Variants in MAST1 observed in about 807,000 individuals in gnomAD.
The protein encoded by MAST1 is microtubule associated serine/threonine kinase 1, also known as microtubule-associated serine/threonine-protein kinase 1.
MAST1 carries 40 observed loss-of-function variants against 124.6 expected under a neutral mutation model. The ratio of observed to expected loss-of-function variants is 0.32; its 90% CI spans 0.25 to 0.42. The LOEUF is 0.42. MAST1 is among the 10% of genes least tolerant of loss of function. The probability of loss-of-function intolerance (pLI) is 1.00; values close to 1 mark genes in which losing one functional copy is unlikely to be tolerated. For missense variants in MAST1, 1,558 were observed against 2,181.9 expected, an observed-to-expected ratio of 0.71 and a Z score of 5.70; for synonymous variants, 938 against 939.4, an observed-to-expected ratio of 1.00 and a Z score of 0.03.
chr19:12,866,244 C>A lies in MAST1; in HGVS notation c.2029+142C>A. 1 of 85,720 alleles carries A rather than the reference C, an allele frequency of 1.2e-5. No individual in the cohort carries two copies. The highest frequency in any genetic ancestry group is 2.1e-4 in the Admixed American group (1 of 4,708). 5.3% of individuals were successfully genotyped at this position (85,720 alleles called of 1,614,324 possible). A position where few individuals can be genotyped will look rare whatever the true frequency, so the allele number is the denominator to read the frequency against. On this transcript the variant is annotated intron_variant, in intron 17 of 25. Coordinates refer to ENST00000251472, the MANE Select transcript of MAST1 (RefSeq NM_014975.3). This position sits in a 1 kb window ranked among gnomAD's most constrained non-coding sequence, Gnocchi z 5.2. ...TGCGAAGGTGGTATTTTGGTGGGGG[C>A]GGGGCCAAGTGGGGCGGGGCTGACA...
chr19:12,843,219 G>A lies in MAST1; in HGVS notation c.249-310G>A, dbSNP rs950580628. 6.6e-6 allele frequency among the ~76,000 whole-genome samples: 1 copy of A among 151,482 alleles called. No individual in the cohort carries two copies. The highest frequency in any genetic ancestry group is 2.1e-4 in the South Asian group (1 of 4,780). On this transcript the variant is annotated intron_variant, in intron 3 of 25. Transcript: ENST00000251472. The surrounding 1 kb of genome is among the most constrained non-coding windows in gnomAD (Gnocchi z 4.9). ...TCTCATGGAGAGTGTTCACTTGGGG[G>A]AAATTTCTAGAATCTCTCTGGAAAG...
chr19:12,844,069 A>G (rs1285126768), intron 4 of MAST1, among the ~76,000 whole-genome samples: 1 of 152,206 alleles, frequency 6.6e-6, no homozygotes, highest in Non-Finnish European at 1.5e-5. Context: ...TTGTCCATCT[A>G]TTAAAGAGTT....
rs1462519406 is a variant in MAST1 at position 12,869,160 on chromosome 19, C to A, written c.2868C>A (p.Asp956Glu). The change falls in exon 22 of 26, where the codon GAC (aspartate) becomes GAA (glutamate). Residue 956 changes from aspartate (D) to glutamate (E), a missense_variant. By Grantham distance (45) the Asp-to-Glu change is conservative. Around this residue, in one of 10 missense-constraint regions of MAST1, gnomAD observed 291 missense variants for 475.8 expected, o/e 0.61. Transcript: ENST00000251472. ...PSSRDSSPSR[D>E]YSPAVSGLRS... Reference sequence around the variant, plus strand: ...CACGGGACTCCTCACCCAGCCGGGACTACTCACCAGCTGTCAGTGGGCTCC... The same window carrying A: ...CACGGGACTCCTCACCCAGCCGGGAATACTCACCAGCTGTCAGTGGGCTCC... The A allele has an allele frequency of 6.2e-7, 1 of 1,614,122 alleles. No homozygotes were observed. Among genetic ancestry groups the A allele is most frequent in the Admixed American group, 1.7e-5 (1 of 60,006 alleles).
chr19:12,874,472 G>C lies in MAST1; in HGVS notation c.4315G>C (p.Glu1439Gln). 1 of 1,581,814 alleles carries C rather than the reference G, an allele frequency of 6.3e-7. No individual in the cohort carries two copies. The highest frequency in any genetic ancestry group is 8.6e-7 in the Non-Finnish European group (1 of 1,168,576). The change falls in exon 26 of 26, where the codon GAG becomes CAG. Residue 1439 changes from glutamate to glutamine, a missense_variant. Physicochemically the swap from Glu to Gln is conservative, Grantham distance 29. Coordinates refer to ENST00000251472, the MANE Select transcript of MAST1 (RefSeq NM_014975.3). The surrounding 1 kb of genome is among the most constrained non-coding windows in gnomAD (Gnocchi z 6.6). ...CACACCCCTGGTACCCATTGTCGTA[G>C]AGCCTGCGCGGCCCGGGGCTAAGGC... ...AGTPLVPIVV[E>Q]PARPGAKAVV...
chr19:12,866,690 C>T lies in MAST1; in HGVS notation c.2067C>T (p.Asp689=). The T allele has an allele frequency of 1.2e-6, 2 of 1,613,964 alleles. No individual in the cohort carries two copies. Among genetic ancestry groups the T allele is most frequent in the Non-Finnish European group, 1.7e-6 (2 of 1,179,978 alleles). The change falls in exon 18 of 26, where the codon GAC becomes GAT. Residue 689 remains aspartate, a synonymous_variant. Transcript: ENST00000251472. This position sits in a 1 kb window ranked among gnomAD's most constrained non-coding sequence, Gnocchi z 5.2. ...GGTATCACCACGTGAACTCCTATGA[C>T]GAGGATGACACGACGGAGGAGGAGC... The part of the protein sequence containing the change: ...SDRYHHVNSY[D]EDDTTEEEPV...
At chr19:12,857,411 G>T (rs1306619562) in intron 10 of MAST1, among the ~76,000 whole-genome samples, 2 of 149,948 alleles carry the variant, frequency 1.3e-5, no homozygotes, top group East Asian at 2.0e-4. Context: ...ACCTGGCCAA[G>T]AATCTTTTTT....
chr19:12,867,790 C>T lies in MAST1; in HGVS notation c.2379C>T (p.Gly793=). 1 of 1,561,988 alleles carries T rather than the reference C, an allele frequency of 6.4e-7. No individual in the cohort carries two copies. ...FLEGEASPPL[G]ARRRFSALLE... Reference sequence around the variant, plus strand: ...AGGGAGAGGCCAGTCCCCCTTTGGGCGCCCGCCGCCGTTTCTCGGCGCTGC... The same window carrying T: ...AGGGAGAGGCCAGTCCCCCTTTGGGTGCCCGCCGCCGTTTCTCGGCGCTGC... Residue 793 remains glycine, a synonymous_variant, in exon 20 of 26, where the codon GGC becomes GGT. Coordinates refer to ENST00000251472, the MANE Select transcript of MAST1 (RefSeq NM_014975.3).
At chr19:12,873,544 C>T in intron 25 of MAST1, 33 bp downstream of exon 25, 1 of 1,587,882 alleles carries the variant, frequency 6.3e-7, no homozygotes, top group Non-Finnish European at 8.6e-7. Flanking sequence ...GGGGACCGAG[C>T]AGCGCGGGGT....
chr19:12,852,319 C>T lies in MAST1; in HGVS notation c.1010-9C>T. On this transcript the variant is annotated splice_polypyrimidine_tract_variant and intron_variant, in intron 9 of 25. Coordinates refer to ENST00000251472, the MANE Select transcript of MAST1 (RefSeq NM_014975.3). Reference sequence around the variant, plus strand: ...ACCCAGCTCGTGCTCACTCTCAGTCCCTCCCTAGATGTGGTGCATCTGGAG... The same window carrying T: ...ACCCAGCTCGTGCTCACTCTCAGTCTCTCCCTAGATGTGGTGCATCTGGAG... 2 of 1,614,096 alleles carry T rather than the reference C, an allele frequency of 1.2e-6. No individual in the cohort carries two copies. Among genetic ancestry groups the T allele is most frequent in the Non-Finnish European group, 1.7e-6 (2 of 1,180,024 alleles).
intron 3 of MAST1, among the ~76,000 whole-genome samples, chr19:12,842,142 TGTAA>T (rs1002567934): frequency 5.9e-5 from 9 of 152,092 alleles, no homozygotes; most frequent in East Asian, 1.9e-4. Flanking sequence ...TCTGTAGGAT[TGTAA>T]GTGTCTGTGA....
In MAST1 at chr19:12,874,120, C is replaced by G. The variant is rs1390168608; in HGVS notation, c.3963C>G (p.Gly1321=). Reference sequence around the variant, plus strand: ...AGACGCCCCCAGTCGAGGGCCTTGGCGCGCCCCGGCAGGTCGCCGTCCGCC... The same window carrying G: ...AGACGCCCCCAGTCGAGGGCCTTGGGGCGCCCCGGCAGGTCGCCGTCCGCC... ...DGETPPVEGL[G]APRQVAVRRL... Residue 1321 remains glycine (G), a synonymous_variant, in exon 26 of 26, where the codon GGC becomes GGG. Coordinates refer to ENST00000251472, the MANE Select transcript of MAST1 (RefSeq NM_014975.3). This position sits in a 1 kb window ranked among gnomAD's most constrained non-coding sequence, Gnocchi z 6.6. 2.3e-5 allele frequency: 35 copies of G among 1,545,468 alleles called. No homozygotes were observed. Among genetic ancestry groups the G allele is most frequent in the Non-Finnish European group, 3.0e-5 (35 of 1,147,686 alleles).
chr19:12,855,938 CA>C (rs1743157926), intron 10 of MAST1, among the ~76,000 whole-genome samples: 1 of 135,290 alleles, frequency 7.4e-6, no homozygotes, highest in Non-Finnish European at 1.5e-5. Context: ...GTAATTCTGT[CA>C]ATTTTTTTTT....
chr19:12,842,283 T>C (rs1156798182), intron 3 of MAST1, among the ~76,000 whole-genome samples: 2 of 151,426 alleles, frequency 1.3e-5, no homozygotes, highest in Admixed American at 1.3e-4. Context: ...TGTCTCTCTC[T>C]CTCTCTCTCT....
chr19:12,851,469 GTTGT>G (rs59254743), intron 7 of MAST1, among the ~76,000 whole-genome samples: 52,102 of 150,862 alleles, frequency 0.35, 9,646 homozygotes, highest in East Asian at 0.63. Context: ...CTATGGTTTT[GTTGT>G]TTGTTTGTTT....
chr19:12,863,577 T>C (rs186984169), intron 12 of MAST1, among the ~76,000 whole-genome samples: 1 of 152,294 alleles, frequency 6.6e-6, no homozygotes, highest in Non-Finnish European at 1.5e-5. Context: ...GGCTTCCTTC[T>C]AGACAAGCCC....
chr19:12,862,091 G>A (rs950806513), intron 12 of MAST1, among the ~76,000 whole-genome samples: 3 of 148,272 alleles, frequency 2.0e-5, no homozygotes, highest in Non-Finnish European at 4.4e-5. Flanking sequence ...TGCAGCCTCC[G>A]TCTCCAAGGT....
intron 12 of MAST1, among the ~76,000 whole-genome samples, chr19:12,859,859 GT>G (rs963004967): frequency 1.5e-5 from 2 of 136,704 alleles, no homozygotes; most frequent in South Asian, 2.3e-4. Flanking sequence ...TTTGTTTTTT[GT>G]TTTTTTTTGT....
At position 12,864,868 on chromosome 19, in the gene MAST1, A is replaced by G. The variant is rs201585893; in HGVS notation, c.1426A>G (p.Met476Val). Residue 476 changes from methionine to valine, a missense_variant, in exon 13 of 26, where the codon ATG (methionine) becomes GTG (valine). Transcript: ENST00000251472. ...AGCGCTGCCCGTAGAGATGGCCCGC[A>G]TGTACTTTGCTGAGACGGTGCTAGC... ...IGALPVEMAR[M>V]YFAETVLALE... 12 of 1,613,970 alleles carry G rather than the reference A, an allele frequency of 7.4e-6. No homozygotes were observed. Among genetic ancestry groups the G allele is most frequent in the Non-Finnish European group, 1.0e-5 (12 of 1,180,032 alleles).
intron 10 of MAST1, among the ~76,000 whole-genome samples, chr19:12,853,267 G>A (rs967450599): frequency 3.4e-5 from 5 of 148,798 alleles, no homozygotes; most frequent in Admixed American, 1.3e-4. Flanking sequence ...CACCGCGCCC[G>A]GCCTTTTTAA....
Sources: gnomAD v4.1 joint callset for allele counts (sites outside exome capture counted in the v4.1 genomes callset) on GRCh38, gnomAD v4.1.1 for gene constraint, gnomAD v4.1.1 regional missense constraint, Gnocchi (gnomAD v3.1) non-coding constraint, MANE v1.5 for transcripts, NCBI Gene and HGNC (gene_info 2026-07-23, HGNC 2026-07-21) for gene names.